The following ZCCHC17 variants were observed in gnomAD, a reference collection of about 807,000 sequenced individuals.
ZCCHC17 encodes the protein zinc finger CCHC domain-containing protein 17.
ZCCHC17 carries 18 observed loss-of-function variants against 30.6 expected under a neutral mutation model. The ratio of observed to expected loss-of-function variants is 0.59; its 90% CI spans 0.41 to 0.87. The LOEUF is 0.87. Ranked by LOEUF, ZCCHC17 falls within the 40% of genes least tolerant of loss-of-function variation. The pLI is 0.00. For synonymous variants in ZCCHC17, 88 were observed against 92.4 expected (o/e 0.95, Z 0.27); for missense variants, 263 against 284.2 (o/e 0.93, Z 0.54).
At position 31,338,986 on chromosome 1, in the gene ZCCHC17, C is replaced by T; in HGVS notation, c.255C>T (p.Leu85=). 6.2e-7 allele frequency: 1 copy of T among 1,612,112 alleles called. No homozygotes were observed. Among genetic ancestry groups the T allele is most frequent in the East Asian group, 2.2e-5 (1 of 44,842 alleles). The change falls in exon 5 of 8, where the codon CTC becomes CTT. Residue 85 remains leucine (L), a synonymous_variant. Transcript: ENST00000344147. ...EMKNDRIKVS[L]SMKVVNQGTG... ...AAAATGATAGAATAAAAGTATCCCTCTCCATGAAGGTTGTCAATCAAGGGA... is the reference window on the plus strand; with the variant it reads ...AAAATGATAGAATAAAAGTATCCCTTTCCATGAAGGTTGTCAATCAAGGGA...
intron 5 of ZCCHC17, among the ~76,000 whole-genome samples, chr1:31,344,165 A>G (rs1639156558): frequency 6.6e-6 from 1 of 150,572 alleles, no homozygotes; most frequent in Non-Finnish European, 1.5e-5. Context: ...TAATTTTTAA[A>G]TTTTTTGTAG....
chr1:31,318,489 G>A (rs1408677695), intron 2 of ZCCHC17, among the ~76,000 whole-genome samples: 1 of 151,988 alleles, frequency 6.6e-6, no homozygotes, highest in Non-Finnish European at 1.5e-5. Context: ...GAAGACTGAG[G>A]GGACAACTCT....
chr1:31,336,268 T>G (rs1638815296), intron 3 of ZCCHC17, among the ~76,000 whole-genome samples: 1 of 152,146 alleles, frequency 6.6e-6, no homozygotes, highest in African/African-American at 2.4e-5. Context: ...AGATGGGGTT[T>G]TATCATGTTG....
rs570197357 is a variant in ZCCHC17, at chr1:31,341,188, A to C, written c.317+2140A>C. 4.6e-5 allele frequency among the ~76,000 whole-genome samples: 7 copies of C among 152,326 alleles called. No individual in the cohort carries two copies. In the East Asian group the frequency reaches 1.2e-3, roughly 25 times the overall value. The stretch of plus-strand genomic sequence containing the variant: ...AGAACTTTTCATATTTCTGTGGTTT[A>C]GTCTCTAAATATTAACATGTTTGTA... On this transcript the variant is annotated intron_variant, in intron 5 of 7. Coordinates refer to ENST00000344147, the MANE Select transcript of ZCCHC17 (RefSeq NM_016505.4).
chr1:31,355,690 A>G (rs560834503), intron 7 of ZCCHC17, among the ~76,000 whole-genome samples: 116 of 152,260 alleles, frequency 7.6e-4, no homozygotes, highest in African/African-American at 2.7e-3. Flanking sequence ...GGTATCTAGC[A>G]TTGTGTTAGG....
At chr1:31,325,072 T>C (rs948451480) in intron 3 of ZCCHC17, among the ~76,000 whole-genome samples, 2 of 152,024 alleles carry the variant, frequency 1.3e-5, no homozygotes, top group Non-Finnish European at 2.9e-5. Flanking sequence ...CCTGTGGAAA[T>C]GGGTTACCCA....
chr1:31,342,574 C>T (rs1457119394), intron 5 of ZCCHC17, among the ~76,000 whole-genome samples: 1 of 152,130 alleles, frequency 6.6e-6, no homozygotes, highest in Non-Finnish European at 1.5e-5. Flanking sequence ...AACCTAGATC[C>T]CTCACATGTG....
intron 7 of ZCCHC17, among the ~76,000 whole-genome samples, chr1:31,361,871 G>A (rs138302503): frequency 0.013 from 2,040 of 151,978 alleles, 49 homozygotes; most frequent in African/African-American, 0.046. Flanking sequence ...GAGTGCAGTG[G>A]CAGGATTATG....
intron 3 of ZCCHC17, among the ~76,000 whole-genome samples, chr1:31,321,845 A>C (rs1450238702): frequency 6.6e-6 from 1 of 152,230 alleles, no homozygotes; most frequent in East Asian, 1.9e-4. Context: ...TACTAGTCTC[A>C]TATCAAATAT....
At chr1:31,313,078 T>TC in intron 2 of ZCCHC17, among the ~76,000 whole-genome samples, 1 of 149,580 alleles carries the variant, frequency 6.7e-6, no homozygotes, top group East Asian at 2.0e-4. Flanking sequence ...CTTTTTTTTT[T>TC]TTTTTTTTTT....
intron 7 of ZCCHC17, among the ~76,000 whole-genome samples, chr1:31,360,545 G>A (rs1639841027): frequency 6.6e-6 from 1 of 152,184 alleles, no homozygotes. Context: ...GACGCCATTT[G>A]CTGGAGGATT....
chr1:31,330,552 C>T (rs995216026), intron 3 of ZCCHC17, among the ~76,000 whole-genome samples: 5 of 152,140 alleles, frequency 3.3e-5, no homozygotes, highest in Non-Finnish European at 7.3e-5. Flanking sequence ...ATTAGATGTA[C>T]TTTCCTCTAT....
intron 3 of ZCCHC17, among the ~76,000 whole-genome samples, chr1:31,327,816 G>GA (rs1638417622): frequency 6.6e-6 from 1 of 152,108 alleles, no homozygotes. Flanking sequence ...CTTAATAAGG[G>GA]AAAAACAGGG....
intron 3 of ZCCHC17, among the ~76,000 whole-genome samples, chr1:31,334,351 G>C (rs866565394): frequency 0.13 from 13,354 of 99,074 alleles, 784 homozygotes; most frequent in African/African-American, 0.2. Flanking sequence ...GTGTGTGTGT[G>C]TGTGTGTGTG....
At chr1:31,343,219 C>T (rs1639111199) in intron 5 of ZCCHC17, among the ~76,000 whole-genome samples, 1 of 152,062 alleles carries the variant, frequency 6.6e-6, no homozygotes, top group Admixed American at 6.6e-5. Flanking sequence ...ACCACTGCGC[C>T]CGGCTAATTT....
chr1:31,344,522 G>T (rs1639168366), intron 5 of ZCCHC17, among the ~76,000 whole-genome samples: 1 of 152,208 alleles, frequency 6.6e-6, no homozygotes, highest in Non-Finnish European at 1.5e-5. Flanking sequence ...GGATGGATTG[G>T]AGGAAGAAAA....
intron 7 of ZCCHC17, among the ~76,000 whole-genome samples, chr1:31,352,958 G>C (rs1416353891): frequency 6.6e-6 from 1 of 152,126 alleles, no homozygotes; most frequent in Non-Finnish European, 1.5e-5. Flanking sequence ...GAAGCACTCT[G>C]TTTCCCATTG....
intron 1 of ZCCHC17, among the ~76,000 whole-genome samples, chr1:31,304,114 T>C (rs1197528180): frequency 6.6e-6 from 1 of 152,224 alleles, no homozygotes; most frequent in Non-Finnish European, 1.5e-5. Context: ...GTAACACAGT[T>C]GTTTAAAACA....
intron 5 of ZCCHC17, among the ~76,000 whole-genome samples, chr1:31,339,318 C>G (rs1053725553): frequency 6.6e-6 from 1 of 152,078 alleles, no homozygotes; most frequent in Non-Finnish European, 1.5e-5. Context: ...GCCAACATGG[C>G]GAAACCCCGT....
Sources: allele counts gnomAD v4.1 joint callset (sites outside exome capture counted in the v4.1 genomes callset), GRCh38; gene constraint gnomAD v4.1.1; transcripts MANE v1.5; gene names NCBI Gene and HGNC (gene_info 2026-07-23, HGNC 2026-07-21).